The following NRG1 variants were observed in gnomAD, a reference collection of about 807,000 sequenced individuals.
NRG1 encodes the protein neuregulin 1, also known as pro-neuregulin-1, membrane-bound isoform.
Under a neutral mutation model 63.8 loss-of-function variants are expected in NRG1, and 18 were observed. The observed-to-expected ratio is 0.28, with a 90% CI of 0.19 to 0.42. The LOEUF (loss-of-function observed/expected upper bound fraction) is 0.42. Among genes scored for constraint, NRG1 ranks in the 10% least tolerant of loss-of-function variants. The pLI is 1.00. For synonymous variants in NRG1, 302 were observed against 301.3 expected (o/e 1.00, Z -0.02); for missense variants, 762 against 814.7 (o/e 0.94, Z 0.79).
intron 5 of NRG1, among the ~76,000 whole-genome samples, chr8:32,673,642 T>C (rs924999755): frequency 7.9e-5 from 12 of 152,200 alleles, no homozygotes; most frequent in African/African-American, 1.2e-4. Context: ...TTCCATGTGG[T>C]CTTTTCTTAT....
At chr8:32,670,367 T>G (rs539959047) in intron 5 of NRG1, among the ~76,000 whole-genome samples, 1 of 152,186 alleles carries the variant, frequency 6.6e-6, no homozygotes, top group Non-Finnish European at 1.5e-5. Context: ...CCACAACTTT[T>G]CCTTTTCCCT....
chr8:32,746,609 C>A (rs563135247), intron 7 of NRG1, among the ~76,000 whole-genome samples: 1 of 152,182 alleles, frequency 6.6e-6, no homozygotes, highest in African/African-American at 2.4e-5. Flanking sequence ...TTAATAGTTT[C>A]TGAAGACTTT....
chr8:31,966,428 A>G (rs1399032920), intron 1 of NRG1, among the ~76,000 whole-genome samples: 2 of 152,256 alleles, frequency 1.3e-5, no homozygotes, highest in Non-Finnish European at 2.9e-5. Flanking sequence ...ATCTACTCCA[A>G]AAACCTGCAT....
At chr8:32,526,097 G>A (rs1439824665) in intron 1 of NRG1, among the ~76,000 whole-genome samples, 1 of 152,068 alleles carries the variant, frequency 6.6e-6, no homozygotes, top group African/African-American at 2.4e-5. Flanking sequence ...GAGTTTCTGT[G>A]GGCCAAGGTA....
At chr8:32,333,863 T>C (rs1802938242) in intron 1 of NRG1, among the ~76,000 whole-genome samples, 1 of 152,224 alleles carries the variant, frequency 6.6e-6, no homozygotes, top group South Asian at 2.1e-4. Context: ...TCCAGTTGTG[T>C]AAACACAACA....
exon 9 of NRG1, chr8:32,756,434 C>T (rs367543163): frequency 8.7e-6 from 14 of 1,613,614 alleles, no homozygotes; most frequent in Middle Eastern, 1.6e-4. Context: ...TGACCGTCTT[C>T]GGCAGAGCCT....
chr8:32,171,032 A>C (rs1412461343), intron 1 of NRG1, among the ~76,000 whole-genome samples: 1 of 152,042 alleles, frequency 6.6e-6, no homozygotes, highest in African/African-American at 2.4e-5. Flanking sequence ...ACTCTTGTCC[A>C]TTAGCGGATT....
At position 32,674,527 on chromosome 8, in the gene NRG1, G is replaced by C. The variant is rs74993432; in HGVS notation, c.503-53422G>C. Among the ~76,000 whole-genome samples, 277 of 152,212 alleles carry C rather than the reference G, an allele frequency of 1.8e-3. 1 individual carries two copies. Among genetic ancestry groups the C allele is most frequent in the African/African-American group, 6.2e-3 (257 of 41,526 alleles). Reference sequence around the variant, plus strand: ...ATATGACAACTGAAAAAAACCTTGGGACAATGTCATTCAGACCACAGGAAA... The same window carrying C: ...ATATGACAACTGAAAAAAACCTTGGCACAATGTCATTCAGACCACAGGAAA... On this transcript the variant is annotated intron_variant, in intron 5 of 11. Coordinates refer to ENST00000356819, the Ensembl canonical transcript of NRG1.
At chr8:32,151,196 T>A (rs1262314063) in intron 1 of NRG1, among the ~76,000 whole-genome samples, 2 of 152,056 alleles carry the variant, frequency 1.3e-5, no homozygotes, top group African/African-American at 4.8e-5. Flanking sequence ...CCCAGAGAGA[T>A]TCCCAGGAAT....
chr8:32,089,110 A>C (rs1828719114), intron 1 of NRG1, among the ~76,000 whole-genome samples: 1 of 152,098 alleles, frequency 6.6e-6, no homozygotes, highest in South Asian at 2.1e-4. Context: ...ATGTGCATGG[A>C]TCCCTGGTGG....
chr8:32,059,192 T>TTTA (rs1238259822), intron 1 of NRG1, among the ~76,000 whole-genome samples: 4 of 152,042 alleles, frequency 2.6e-5, no homozygotes, highest in Non-Finnish European at 1.5e-5. Context: ...CTGCATTTCT[T>TTTA]TTATGTATTC....
chr8:32,200,289 G>A (rs1366854945), intron 1 of NRG1, among the ~76,000 whole-genome samples: 2 of 152,070 alleles, frequency 1.3e-5, no homozygotes, highest in Admixed American at 1.3e-4. Context: ...ATATTTCATT[G>A]TTGCTCTTGA....
chr8:32,223,188 A>G (rs16875662), intron 1 of NRG1, among the ~76,000 whole-genome samples: 6,566 of 152,294 alleles, frequency 0.043, 240 homozygotes, highest in Middle Eastern at 0.11. Context: ...CAATTACTAG[A>G]CAAGATATAA....
chr8:32,179,187 TA>T (rs35411561), intron 1 of NRG1, among the ~76,000 whole-genome samples: 6,074 of 66,306 alleles, frequency 0.092, 146 homozygotes, highest in African/African-American at 0.17. Context: ...CTCACAGTCA[TA>T]AAAAAAAAAA....
At chr8:32,536,512 A>G (rs1831982256) in intron 1 of NRG1, among the ~76,000 whole-genome samples, 1 of 152,164 alleles carries the variant, frequency 6.6e-6, no homozygotes, top group Non-Finnish European at 1.5e-5. Flanking sequence ...CAACCGACTA[A>G]CAACTAGTCA....
intron 1 of NRG1, among the ~76,000 whole-genome samples, chr8:31,675,323 A>C (rs1056604793): frequency 9.8e-5 from 15 of 152,344 alleles, no homozygotes; most frequent in African/African-American, 3.6e-4. Flanking sequence ...CATGGGTGAC[A>C]AAAGCAAAAC....
chr8:32,436,150 A>G (rs929714318), intron 1 of NRG1, among the ~76,000 whole-genome samples: 2 of 152,186 alleles, frequency 1.3e-5, no homozygotes, highest in African/African-American at 4.8e-5. Flanking sequence ...GTGGAAAGTG[A>G]CAGGCACATC....
At chr8:32,258,616 T>TGAGA (rs145599268) in intron 1 of NRG1, among the ~76,000 whole-genome samples, 1 of 150,782 alleles carries the variant, frequency 6.6e-6, no homozygotes, top group Non-Finnish European at 1.5e-5. Context: ...TGGTGGCAGG[T>TGAGA]GAGAGAGAGA....
At chr8:32,092,551 G>C (rs905483873) in intron 1 of NRG1, among the ~76,000 whole-genome samples, 3 of 151,802 alleles carry the variant, frequency 2.0e-5, no homozygotes, top group Non-Finnish European at 4.4e-5. Context: ...AGATTTGCTT[G>C]AGCTCTTGGT....
Sources: gnomAD v4.1 joint callset for allele counts (sites outside exome capture counted in the v4.1 genomes callset) on GRCh38, gnomAD v4.1.1 for gene constraint, MANE v1.5 for transcripts, NCBI Gene and HGNC (gene_info 2026-07-23, HGNC 2026-07-21) for gene names.